Variants in TNNI3K observed in about 807,000 individuals in gnomAD.
TNNI3K encodes TNNI3 interacting kinase.
TNNI3K carries 140 observed loss-of-function variants against 114.5 expected under a neutral mutation model. The observed-to-expected ratio is 1.22, with a 90% CI of 1.07 to 1.41. TNNI3K has a LOEUF of 1.41. Ranked by LOEUF, TNNI3K falls within the 40% of genes most tolerant of loss-of-function variation. The pLI, the probability that TNNI3K is intolerant of heterozygous loss-of-function variation, is 0.00. For synonymous variants in TNNI3K, 347 were observed against 347.5 expected, an observed-to-expected ratio of 1.00 and a Z score of 0.02; for missense variants, 1,125 against 1,007.6, an observed-to-expected ratio of 1.12 and a Z score of -1.58.
chr1:74,522,651 T>C (rs1032870219), intron 23 of TNNI3K, among the ~76,000 whole-genome samples: 1 of 151,662 alleles, frequency 6.6e-6, no homozygotes, highest in African/African-American at 2.4e-5. Context: ...TGTGTGTGTG[T>C]GAGAGAGAGA....
At chr1:74,431,271 G>A (rs1665884696) in intron 17 of TNNI3K, among the ~76,000 whole-genome samples, 2 of 151,948 alleles carry the variant, frequency 1.3e-5, no homozygotes, top group Non-Finnish European at 2.9e-5. Flanking sequence ...CTGACTATAG[G>A]TCCTCTTTCT....
rs1486524693 is a variant in TNNI3K, at chr1:74,543,976, C to A, written c.2502C>A (p.Ser834Arg). 2.5e-6 allele frequency: 4 copies of A among 1,612,784 alleles called. No individual in the cohort carries two copies. ...GAAATAGTAGCAGCTTTGAGGACAG[C>A]AGCTGACAGCATTCGGCGTATACCT... The part of the protein sequence containing the change: ...SCRNSSSFED[S>R]S Residue 834 changes from serine (S) to arginine (R), a missense_variant, in exon 25 of 25, where the codon AGC becomes AGA. Ser to Arg is a moderately radical substitution (Grantham distance 110, BLOSUM62 -1). Transcript: ENST00000326637.
chr1:74,483,118 T>C (rs770769007), intron 21 of TNNI3K: 2 of 470,532 alleles, frequency 4.3e-6, no homozygotes, highest in Non-Finnish European at 7.6e-6. Flanking sequence ...ATATTGCCAG[T>C]CTCTTTAGTC....
chr1:74,368,312 C>T (rs998172377), intron 13 of TNNI3K, among the ~76,000 whole-genome samples: 2 of 151,634 alleles, frequency 1.3e-5, no homozygotes, highest in Non-Finnish European at 2.9e-5. Context: ...TATTATTTTT[C>T]AAAATATCCC....
In TNNI3K at chr1:74,486,507, CT is replaced by C. The variant is rs397940623; in HGVS notation, c.2122-2669del. 2.2e-3 allele frequency among the ~76,000 whole-genome samples: 300 copies of C among 137,008 alleles called. 1 individual carries two copies. The highest frequency in any genetic ancestry group is 4.4e-3 in the South Asian group (19 of 4,344). The allele number at this position is 137,008 out of a possible 152,430, so 89.9% of individuals were successfully genotyped here. A position where few individuals can be genotyped will look rare whatever the true frequency, so the allele number is the denominator to read the frequency against. On this transcript the variant is annotated intron_variant, in intron 21 of 24. Coordinates refer to ENST00000326637, the MANE Select transcript of TNNI3K (RefSeq NM_015978.3). ...TTTTGTGTGTGTTTTTTGTTTTTTG[CT>C]TTTTTTTTTTTTGCCTCTGCAAGCA... is the stretch of plus-strand genomic sequence containing the variant.
chr1:74,365,277 A>G (rs907762878), intron 11 of TNNI3K, among the ~76,000 whole-genome samples: 1 of 152,060 alleles, frequency 6.6e-6, no homozygotes, highest in African/African-American at 2.4e-5. Context: ...AAAATGCTTC[A>G]GGGGCTCCCC....
chr1:74,348,683 G>C (rs908159941), intron 9 of TNNI3K, among the ~76,000 whole-genome samples: 1 of 152,080 alleles, frequency 6.6e-6, no homozygotes, highest in African/African-American at 2.4e-5. Context: ...CTGAGCAGTG[G>C]TTTGTAGTTC....
At position 74,439,535 on chromosome 1, in the gene TNNI3K, T is replaced by C. The variant is rs750175652; in HGVS notation, c.1924T>C (p.Tyr642His). 1 of 1,613,390 alleles carries C rather than the reference T, an allele frequency of 6.2e-7. No homozygotes were observed. The highest frequency in any genetic ancestry group is 1.3e-5 in the African/African-American group (1 of 74,856). The change falls in exon 20 of 25, where the codon TAC (tyrosine) becomes CAC (histidine). Residue 642 changes from tyrosine (Y) to histidine (H), a missense_variant. Transcript: ENST00000326637. Reference sequence around the variant, plus strand: ...TGAGGTGTTCACGCAGTGCACTCGGTACACCATCAAAGCAGATGTCTTCAG... The same window carrying C: ...TGAGGTGTTCACGCAGTGCACTCGGCACACCATCAAAGCAGATGTCTTCAG... ...APEVFTQCTR[Y>H]TIKADVFSYA... is the part of the protein sequence containing the mutation.
At chr1:74,429,887 A>AT (rs1246444672) in intron 17 of TNNI3K, among the ~76,000 whole-genome samples, 1 of 152,138 alleles carries the variant, frequency 6.6e-6, no homozygotes, top group Non-Finnish European at 1.5e-5. Context: ...ACAGTGGCTT[A>AT]TAGGAAGCCT....
intron 9 of TNNI3K, among the ~76,000 whole-genome samples, chr1:74,347,497 A>G (rs1439246244): frequency 6.6e-6 from 1 of 152,020 alleles, no homozygotes; most frequent in Non-Finnish European, 1.5e-5. Context: ...ATGATTTATA[A>G]TCCTCTGGGT....
chr1:74,312,733 A>T (rs1009210876), intron 5 of TNNI3K, among the ~76,000 whole-genome samples: 5 of 152,224 alleles, frequency 3.3e-5, no homozygotes, highest in African/African-American at 1.2e-4. Context: ...CCTTGCTGGG[A>T]TGGTTAGGAA....
At chr1:74,306,954 T>G (rs1658679715) in intron 5 of TNNI3K, among the ~76,000 whole-genome samples, 2 of 151,940 alleles carry the variant, frequency 1.3e-5, no homozygotes, top group Admixed American at 1.3e-4. Flanking sequence ...TCCCGAAGAG[T>G]TTTTAACCAG....
intron 4 of TNNI3K, among the ~76,000 whole-genome samples, chr1:74,253,645 C>T (rs964831775): frequency 3.9e-5 from 6 of 152,096 alleles, no homozygotes; most frequent in Non-Finnish European, 7.4e-5. Context: ...AGTGCGGGCC[C>T]GCCAAGCCCA....
At chr1:74,475,477 A>G (rs1306695514) in intron 21 of TNNI3K, 1 of 717,094 alleles carries the variant, frequency 1.4e-6, no homozygotes, top group Admixed American at 2.0e-5. Context: ...CTGGCAAAAT[A>G]AAGTGCTGCC....
intron 17 of TNNI3K, among the ~76,000 whole-genome samples, chr1:74,405,976 A>G (rs917795839): frequency 2.6e-5 from 4 of 152,326 alleles, no homozygotes; most frequent in Non-Finnish European, 4.4e-5. Context: ...AGCAACATAC[A>G]TTTATCATCT....
intron 5 of TNNI3K, 78 bp from the exon 6 acceptor site, chr1:74,331,372 G>A: frequency 6.9e-7 from 1 of 1,443,838 alleles, no homozygotes; most frequent in East Asian, 2.4e-5. Context: ...GAAGATTTGT[G>A]CATGGTGGTT....
chr1:74,362,948 C>T (rs895511727), intron 11 of TNNI3K, among the ~76,000 whole-genome samples: 3 of 152,080 alleles, frequency 2.0e-5, no homozygotes, highest in African/African-American at 4.8e-5. Context: ...TCTAAAAGTG[C>T]AGATCATCAT....
At chr1:74,257,051 C>T (rs960984595) in intron 4 of TNNI3K, among the ~76,000 whole-genome samples, 1 of 152,076 alleles carries the variant, frequency 6.6e-6, no homozygotes, top group South Asian at 2.1e-4. Context: ...TTCCACATAT[C>T]ACTGAGTCTG....
intron 11 of TNNI3K, among the ~76,000 whole-genome samples, chr1:74,362,078 G>T (rs900889635): frequency 8.5e-5 from 13 of 152,074 alleles, no homozygotes; most frequent in African/African-American, 3.1e-4. Flanking sequence ...TAGCAAGCCA[G>T]AAATTTTTGT....
Sources: allele counts gnomAD v4.1 joint callset (sites outside exome capture counted in the v4.1 genomes callset), GRCh38; gene constraint gnomAD v4.1.1; transcripts MANE v1.5; gene names NCBI Gene and HGNC (gene_info 2026-07-23, HGNC 2026-07-21).